Variants in XKR6 observed in about 807,000 individuals in gnomAD.
The protein encoded by XKR6 is XK related 6, also known as XK-related protein 6.
XKR6 carries 22 observed loss-of-function variants against 56.7 expected under a neutral mutation model. The observed-to-expected ratio is 0.39, with a 90% confidence interval of 0.28 to 0.55. The LOEUF (loss-of-function observed/expected upper bound fraction) is 0.55, where lower values mean the gene tolerates loss of function less well. XKR6 is among the 20% of genes least tolerant of loss of function. The pLI, the probability that XKR6 is intolerant of heterozygous loss-of-function variation, is 0.66. For missense variants in XKR6, 852 were observed against 889.0 expected (o/e 0.96, Z 0.53); for synonymous variants, 524 against 387.8 (o/e 1.35, Z -4.13).
chr8:11,040,742 C>A (rs891440363), intron 1 of XKR6, among the ~76,000 whole-genome samples: 11 of 152,106 alleles, frequency 7.2e-5, no homozygotes, highest in Admixed American at 1.3e-4. Context: ...CGACTGATCG[C>A]CCCCCAAACC....
At chr8:10,952,949 T>C (rs1160037241) in intron 1 of XKR6, among the ~76,000 whole-genome samples, 4 of 152,086 alleles carry the variant, frequency 2.6e-5, no homozygotes, top group Non-Finnish European at 5.9e-5. Flanking sequence ...GTAAACCCTG[T>C]TGTGAACTGT....
intron 1 of XKR6, among the ~76,000 whole-genome samples, chr8:11,047,946 C>A (rs1407689271): frequency 6.6e-6 from 1 of 152,112 alleles, no homozygotes; most frequent in Non-Finnish European, 1.5e-5. Flanking sequence ...GATGGGGACT[C>A]TAAACTTAGA....
At chr8:11,060,177 C>A (rs1486804433) in intron 1 of XKR6, among the ~76,000 whole-genome samples, 1 of 152,168 alleles carries the variant, frequency 6.6e-6, no homozygotes, top group Non-Finnish European at 1.5e-5. Flanking sequence ...AAAGAGAACC[C>A]CAAGTTCTGG....
intron 1 of XKR6, among the ~76,000 whole-genome samples, chr8:10,933,094 T>C (rs1267014324): frequency 6.6e-6 from 1 of 151,808 alleles, no homozygotes; most frequent in African/African-American, 2.4e-5. Context: ...CCATTCTAAC[T>C]GGTGTGAGAT....
In XKR6 at chr8:11,200,225, G is replaced by A. The variant is rs1293463490; in HGVS notation, c.764+351C>T. 1.3e-5 allele frequency among the ~76,000 whole-genome samples: 2 copies of A among 152,182 alleles called. No individual in the cohort carries two copies. ...AGGCTCCCCGGGGCCGCGAGCTGGG[G>A]TGCAGCCCAGGGCGCCCGCAGCTGG... On this transcript the variant is annotated intron_variant, in intron 1 of 2. Coordinates refer to ENST00000416569, the MANE Select transcript of XKR6 (RefSeq NM_173683.4). The surrounding 1 kb of genome is among the most constrained non-coding windows in gnomAD (Gnocchi z 6.4).
intron 2 of XKR6, among the ~76,000 whole-genome samples, chr8:10,899,292 G>A (rs528701975): frequency 5.1e-4 from 77 of 152,338 alleles, no homozygotes; most frequent in Non-Finnish European, 4.1e-4. Context: ...CATTGGCGTC[G>A]CTGTCACCAG....
chr8:11,022,385 A>G (rs1396863376), intron 1 of XKR6, among the ~76,000 whole-genome samples: 1 of 152,160 alleles, frequency 6.6e-6, no homozygotes. Context: ...CTCTACCTGC[A>G]GCGACCCAAA....
intron 1 of XKR6, among the ~76,000 whole-genome samples, chr8:11,141,554 G>A (rs973474988): frequency 2.6e-5 from 4 of 152,208 alleles, no homozygotes; most frequent in Non-Finnish European, 5.9e-5. Flanking sequence ...AGAGAAACAA[G>A]TCAGACGCAT....
At chr8:10,936,964 G>A (rs1217948629) in intron 1 of XKR6, among the ~76,000 whole-genome samples, 1 of 89,672 alleles carries the variant, frequency 1.1e-5, no homozygotes, top group Non-Finnish European at 2.2e-5. Flanking sequence ...CTAGATTGGG[G>A]AAGTTCTCCT....
At chr8:11,074,720 T>C (rs1025593547) in intron 1 of XKR6, among the ~76,000 whole-genome samples, 1 of 152,206 alleles carries the variant, frequency 6.6e-6, no homozygotes, top group Non-Finnish European at 1.5e-5. Context: ...AAGTGGAATG[T>C]GCTACCAGTG....
intron 2 of XKR6, among the ~76,000 whole-genome samples, chr8:10,909,638 C>T (rs1800289872): frequency 6.6e-6 from 1 of 152,180 alleles, no homozygotes; most frequent in Non-Finnish European, 1.5e-5. Flanking sequence ...TCATAATCCC[C>T]ATTGCTAGCC....
At chr8:10,944,270 C>T (rs76613070) in intron 1 of XKR6, among the ~76,000 whole-genome samples, 4,417 of 152,256 alleles carry the variant, frequency 0.029, 233 homozygotes, top group African/African-American at 0.1. Flanking sequence ...ATGACAAGGG[C>T]AGCAGCTAAA....
At chr8:11,197,513 G>A (rs1367488279) in intron 1 of XKR6, among the ~76,000 whole-genome samples, 1 of 152,206 alleles carries the variant, frequency 6.6e-6, no homozygotes, top group Non-Finnish European at 1.5e-5. Flanking sequence ...TGTGACTCCT[G>A]CTCCTGGAAT....
chr8:11,085,460 G>T (rs1797854945), intron 1 of XKR6, among the ~76,000 whole-genome samples: 1 of 152,010 alleles, frequency 6.6e-6, no homozygotes, highest in Non-Finnish European at 1.5e-5. Context: ...GTGTGTGTAT[G>T]TATGTGCATG....
intron 1 of XKR6, among the ~76,000 whole-genome samples, chr8:10,985,001 G>C (rs1797828331): frequency 6.6e-6 from 1 of 151,726 alleles, no homozygotes; most frequent in Admixed American, 6.6e-5. Context: ...GTGCAGTAGT[G>C]CAATCTCAGC....
At position 10,897,905 on chromosome 8, in the gene XKR6, C is replaced by A; in HGVS notation, c.*47G>T. 6.6e-7 allele frequency: 1 copy of A among 1,517,664 alleles called. No individual in the cohort carries two copies. 94.0% of individuals were successfully genotyped at this position (1,517,664 alleles called of 1,614,324 possible). A position where few individuals can be genotyped will look rare whatever the true frequency, so the allele number is the denominator to read the frequency against. ...TTATATTTCTTGCAAGTGCTGTTTG[C>A]CGCAAACCAAACTTAAGGTCCCCTT... is the stretch of plus-strand genomic sequence containing the variant. On this transcript the variant is annotated 3_prime_UTR_variant, in exon 3 of 3. Transcript: ENST00000416569.
intron 2 of XKR6, among the ~76,000 whole-genome samples, chr8:10,919,187 TC>T (rs893326461): frequency 6.6e-6 from 1 of 152,230 alleles, no homozygotes; most frequent in African/African-American, 2.4e-5. Context: ...AGTCAGGCTT[TC>T]CTTCCCTCAG....
At chr8:11,055,690 C>G (rs1400283671) in intron 1 of XKR6, among the ~76,000 whole-genome samples, 1 of 152,204 alleles carries the variant, frequency 6.6e-6, no homozygotes, top group Admixed American at 6.5e-5. Flanking sequence ...CTGGATTCAC[C>G]TAGGACTTTG....
At chr8:10,971,528 G>C (rs1343832297) in intron 1 of XKR6, among the ~76,000 whole-genome samples, 1 of 152,114 alleles carries the variant, frequency 6.6e-6, no homozygotes, top group African/African-American at 2.4e-5. Flanking sequence ...CAATATTCCA[G>C]AGGGATCACA....
Sources: allele counts gnomAD v4.1 joint callset (sites outside exome capture counted in the v4.1 genomes callset), GRCh38; gene constraint gnomAD v4.1.1; non-coding constraint Gnocchi (gnomAD v3.1); transcripts MANE v1.5; gene names NCBI Gene and HGNC (gene_info 2026-07-23, HGNC 2026-07-21).